Variants in GK5 observed in about 807,000 individuals in gnomAD.
GK5 encodes glycerol kinase 5.
Under a neutral mutation model 77.3 loss-of-function variants are expected in GK5, and 39 were observed. That is an observed-to-expected ratio of 0.50 (90% CI 0.39 to 0.66). The LOEUF (loss-of-function observed/expected upper bound fraction) is 0.66, where lower values mean the gene tolerates loss of function less well. GK5 is among the 30% of genes least tolerant of loss of function. The pLI, the probability that GK5 is intolerant of heterozygous loss-of-function variation, is 0.00. For missense variants in GK5, 487 were observed against 633.8 expected (o/e 0.77, Z 2.49); for synonymous variants, 211 against 208.0 (o/e 1.01, Z -0.13).
intron 6 of GK5, among the ~76,000 whole-genome samples, chr3:142,187,360 T>C (rs953688609): frequency 1.3e-5 from 2 of 151,540 alleles, no homozygotes; most frequent in African/African-American, 4.9e-5. Flanking sequence ...TCCCAGCACT[T>C]TGGGAGGCTG....
chr3:142,176,863 T>G (rs555420295), intron 12 of GK5, among the ~76,000 whole-genome samples: 1 of 151,896 alleles, frequency 6.6e-6, no homozygotes, highest in Non-Finnish European at 1.5e-5. Context: ...GGGTTTCACC[T>G]TGTTAGCCAA....
At chr3:142,172,305 A>T in intron 13 of GK5, 48 bp downstream of exon 13, 2 of 826,314 alleles carry the variant, frequency 2.4e-6, no homozygotes, top group Non-Finnish European at 3.9e-6. Context: ...AATGAAAGAC[A>T]TGGCAATATT....
chr3:142,205,904 C>T (rs2064099119), intron 3 of GK5, among the ~76,000 whole-genome samples: 1 of 152,144 alleles, frequency 6.6e-6, no homozygotes, highest in African/African-American at 2.4e-5. Context: ...GAAATCATTC[C>T]CCATTCCTTC....
At chr3:142,173,601 G>A (rs901320923) in intron 12 of GK5, among the ~76,000 whole-genome samples, 2 of 152,168 alleles carry the variant, frequency 1.3e-5, no homozygotes, top group Middle Eastern at 3.4e-3. Context: ...GGAGAATGGC[G>A]TGAACCCGGG....
At chr3:142,189,405 C>A (rs994052214) in intron 5 of GK5, among the ~76,000 whole-genome samples, 2 of 152,038 alleles carry the variant, frequency 1.3e-5, no homozygotes, top group African/African-American at 2.4e-5. Context: ...AAGAGTTATG[C>A]CACTTAAATA....
intron 5 of GK5, among the ~76,000 whole-genome samples, chr3:142,190,007 AAGAC>A (rs896309591): frequency 6.4e-4 from 98 of 152,332 alleles, no homozygotes; most frequent in African/African-American, 2.1e-3. Context: ...ACAGGAAAAA[AAGAC>A]AGTCCACAGT....
In GK5 at chr3:142,186,287, A is replaced by G; in HGVS notation, c.682-20T>C. ...ACACATCTGAGCATAAAAACGTATC[A>G]TCAGAATATACATATTTACATATAT... On this transcript the variant is annotated intron_variant, in intron 7 of 15. Coordinates refer to ENST00000392993, the MANE Select transcript of GK5 (RefSeq NM_001039547.3). 5 of 1,484,172 alleles carry G rather than the reference A, an allele frequency of 3.4e-6. No homozygotes were observed. Among genetic ancestry groups the G allele is most frequent in the Non-Finnish European group, 4.7e-6 (5 of 1,062,818 alleles). The allele number at this position is 1,484,172 out of a possible 1,614,324, so 91.9% of individuals were successfully genotyped here.
chr3:142,176,164 A>C (rs2063607058), intron 12 of GK5, among the ~76,000 whole-genome samples: 2 of 152,260 alleles, frequency 1.3e-5, no homozygotes, highest in South Asian at 4.1e-4. Context: ...GATAAAGTAC[A>C]CAAAAATATT....
At chr3:142,187,128 ACTTGT>A (rs938364560) in intron 6 of GK5, among the ~76,000 whole-genome samples, 2 of 152,100 alleles carry the variant, frequency 1.3e-5, no homozygotes, top group African/African-American at 4.8e-5. Context: ...TTGTTACTGA[ACTTGT>A]CTTATCATTC....
chr3:142,197,189 A>G (rs529916856), intron 5 of GK5, among the ~76,000 whole-genome samples: 1 of 152,202 alleles, frequency 6.6e-6, no homozygotes, highest in South Asian at 2.1e-4. Context: ...TCCGTCTCAA[A>G]AAAAAGAGAA....
chr3:142,212,581 T>C (rs1282236895), intron 3 of GK5, among the ~76,000 whole-genome samples: 85 of 152,054 alleles, frequency 5.6e-4, no homozygotes, highest in South Asian at 2.1e-4. Flanking sequence ...GAAGGCAATA[T>C]GGGGATAGTA....
rs1319294888 is a variant in GK5 at position 142,181,518 on chromosome 3, A to C, written c.991T>G (p.Leu331Val). Residue 331 changes from leucine (L) to valine (V), a missense_variant, in exon 11 of 16, where the codon TTA (leucine) becomes GTA (valine). This residue lies in a region of GK5 where 323 missense variants were observed against 437.4 expected (regional missense o/e 0.74). Transcript: ENST00000392993. The stretch of plus-strand genomic sequence containing the variant: ...GTGTCTCCTGCATTGCTTTCAGCTA[A>C]GCATACGACTTCTTGCCCAATCTTC... ...GWKIGQEVVC[L>V]AESNAGDTGT... 8.7e-6 allele frequency: 14 copies of C among 1,613,840 alleles called. No individual in the cohort carries two copies. The highest frequency in any genetic ancestry group is 1.1e-5 in the Non-Finnish European group (13 of 1,179,882).
chr3:142,224,315 G>A (rs1287130735), intron 1 of GK5, among the ~76,000 whole-genome samples: 3 of 152,142 alleles, frequency 2.0e-5, no homozygotes, highest in Non-Finnish European at 2.9e-5. Context: ...GGGGGCTGAG[G>A]TGGAAGGATC....
intron 10 of GK5, 41 bp downstream of exon 10, chr3:142,182,882 T>C: frequency 7.0e-7 from 1 of 1,436,846 alleles, no homozygotes; most frequent in East Asian, 2.3e-5. Context: ...TGAACAGAAG[T>C]GATATTTTAT....
chr3:142,168,095 G>A (rs2063493842), intron 15 of GK5, among the ~76,000 whole-genome samples: 1 of 152,170 alleles, frequency 6.6e-6, no homozygotes, highest in South Asian at 2.1e-4. Flanking sequence ...AAGAGAATCT[G>A]ACTTATTTAG....
rs1292222473 is a variant in GK5, at chr3:142,159,025, T to A, written c.*6597A>T. ...TCACATAAACCACTGGACTGACTTT[T>A]AAAAACTTTAAAAAAGATATTTAAA... is the stretch of plus-strand genomic sequence containing the variant. On this transcript the variant is annotated 3_prime_UTR_variant, in exon 16 of 16. Transcript: ENST00000392993. 1 of 152,160 alleles carries A rather than the reference T, an allele frequency of 6.6e-6. No individual in the cohort carries two copies. The highest frequency in any genetic ancestry group is 1.5e-5 in the Non-Finnish European group (1 of 68,022). 9.4% of individuals were successfully genotyped at this position (152,160 alleles called of 1,614,324 possible).
At chr3:142,215,861 T>C (rs1041864649) in intron 1 of GK5, among the ~76,000 whole-genome samples, 169 bp from the exon 2 acceptor site, 1 of 152,190 alleles carries the variant, frequency 6.6e-6, no homozygotes, top group African/African-American at 2.4e-5. Context: ...AAGGACTATA[T>C]GCCAACACCA....
intron 5 of GK5, among the ~76,000 whole-genome samples, chr3:142,196,759 T>C (rs2063939516): frequency 6.6e-6 from 1 of 152,228 alleles, no homozygotes; most frequent in East Asian, 1.9e-4. Context: ...GAAAATTCCA[T>C]GTACACTTCA....
chr3:142,212,061 A>C (rs2064194953), intron 3 of GK5, among the ~76,000 whole-genome samples: 1 of 152,190 alleles, frequency 6.6e-6, no homozygotes, highest in Non-Finnish European at 1.5e-5. Context: ...ACTGAATTAG[A>C]AGCCAAGTCC....
Sources: gnomAD v4.1 joint callset for allele counts (sites outside exome capture counted in the v4.1 genomes callset) on GRCh38, gnomAD v4.1.1 for gene constraint, gnomAD v4.1.1 regional missense constraint, MANE v1.5 for transcripts, NCBI Gene and HGNC (gene_info 2026-07-23, HGNC 2026-07-21) for gene names.